Variants in GSE1 observed in about 807,000 individuals in gnomAD.
The protein encoded by GSE1 is genetic suppressor element 1.
A neutral mutation model predicts 112.6 loss-of-function variants in GSE1; 32 were observed. The ratio of observed to expected loss-of-function variants is 0.28; its 90% CI spans 0.21 to 0.38. GSE1 has a LOEUF of 0.38. Ranked by LOEUF, GSE1 falls within the 10% of genes least tolerant of loss-of-function variation. The pLI, the probability that GSE1 is intolerant of heterozygous loss-of-function variation, is 1.00. For synonymous variants in GSE1, 1,115 were observed against 735.6 expected (o/e 1.52, Z -8.35); for missense variants, 2,348 against 1,699.2 (o/e 1.38, Z -6.71).
In GSE1 at chr16:85,325,686, G is replaced by A. The variant is rs555758566; in HGVS notation, c.2284-31777G>A. Among the ~76,000 whole-genome samples, 3 of 151,458 alleles carry A rather than the reference G, an allele frequency of 2.0e-5. No individual in the cohort carries two copies. The East Asian group carries it at 5.9e-4, about 30-fold the overall frequency. ...ATGCTAGTCTCAAACTCCTGACCTC[G>A]GGTGATCCACCTGCCTTAGCCTCCC... On this transcript the variant is annotated intron_variant, in intron 1 of 2. Transcript: ENST00000637419.
chr16:85,208,922 G>A (rs997691234), intron 1 of GSE1, among the ~76,000 whole-genome samples: 48 of 149,646 alleles, frequency 3.2e-4, no homozygotes, highest in African/African-American at 1.0e-3. Flanking sequence ...GCCACGTGTC[G>A]GGGTTCGCCT....
intron 1 of GSE1, among the ~76,000 whole-genome samples, chr16:85,246,481 AC>A (rs1905821328): frequency 1.9e-5 from 2 of 105,490 alleles, no homozygotes; most frequent in Non-Finnish European, 3.9e-5. Flanking sequence ...GCACACACAC[AC>A]ACACACACAC....
At chr16:85,313,164 C>T (rs1321615846) in intron 1 of GSE1, among the ~76,000 whole-genome samples, 4 of 152,192 alleles carry the variant, frequency 2.6e-5, no homozygotes, top group Admixed American at 2.6e-4. Context: ...GGGCCCCTGG[C>T]CTGCTGGGGT....
intron 2 of GSE1, among the ~76,000 whole-genome samples, chr16:85,518,131 G>C (rs2052015614): frequency 6.6e-6 from 1 of 152,228 alleles, no homozygotes; most frequent in South Asian, 2.1e-4. Flanking sequence ...GCCCTGCAGA[G>C]GCTGCTGCCA....
At chr16:85,392,797 C>T (rs993595260) in intron 2 of GSE1, among the ~76,000 whole-genome samples, 1 of 152,286 alleles carries the variant, frequency 6.6e-6, no homozygotes, top group Non-Finnish European at 1.5e-5. Context: ...CCTTAGGGAG[C>T]GTTGCCTCAG....
intron 2 of GSE1, among the ~76,000 whole-genome samples, chr16:85,478,162 T>C (rs1222027851): frequency 3.3e-5 from 5 of 152,192 alleles, no homozygotes; most frequent in Non-Finnish European, 7.3e-5. Context: ...CCAGGAAGCA[T>C]TGCATCTTCA....
Position 85,622,386 on chromosome 16 carries a change from C to A in GSE1, c.7+8988C>A, listed in dbSNP as rs560310874. ...GGATGGTTCTGGGCCCTTTCTTTTT[C>A]CACCCTGTATTTCCTCTGTCCAGGC... On this transcript the variant is annotated intron_variant, in intron 1 of 15. Transcript: ENST00000253458. Among the ~76,000 whole-genome samples, 8 of 140,282 alleles carry A rather than the reference C, an allele frequency of 5.7e-5. No individual in the cohort carries two copies. In the East Asian group the frequency reaches 1.6e-3, roughly 27 times the overall value. 92.0% of individuals were successfully genotyped at this position (140,282 alleles called of 152,430 possible).
intron 1 of GSE1, among the ~76,000 whole-genome samples, chr16:85,273,220 G>A (rs1365047328): frequency 6.6e-6 from 1 of 152,244 alleles, no homozygotes; most frequent in Non-Finnish European, 1.5e-5. Context: ...GGTTGGGGGT[G>A]GGGGAAGATT....
At chr16:85,605,674 C>G in intron 1 of GSE1, among the ~76,000 whole-genome samples, 1 of 151,890 alleles carries the variant, frequency 6.6e-6, no homozygotes, top group Non-Finnish European at 1.5e-5. Flanking sequence ...GGGGGGCCAC[C>G]GGCTGTGCTC....
At chr16:85,331,489 ATG>A (rs1240838738) in intron 1 of GSE1, among the ~76,000 whole-genome samples, 2 of 114,490 alleles carry the variant, frequency 1.7e-5, no homozygotes, top group African/African-American at 2.8e-5. Flanking sequence ...ATGTGTATAT[ATG>A]TGTATATGTG....
chr16:85,626,119 T>TG (rs923704195), intron 1 of GSE1, among the ~76,000 whole-genome samples: 15 of 151,730 alleles, frequency 9.9e-5, no homozygotes, highest in Non-Finnish European at 1.6e-4. Flanking sequence ...CAGGGCAGCC[T>TG]GGGGGGGTGT....
At chr16:85,455,998 G>A (rs1164035122) in intron 2 of GSE1, among the ~76,000 whole-genome samples, 1 of 152,234 alleles carries the variant, frequency 6.6e-6, no homozygotes, top group African/African-American at 2.4e-5. Context: ...CTAAGGCTCA[G>A]AGAGGTTAAT....
intron 1 of GSE1, among the ~76,000 whole-genome samples, chr16:85,237,520 G>T (rs914435405): frequency 2.0e-5 from 3 of 151,856 alleles, no homozygotes; most frequent in Non-Finnish European, 2.9e-5. Context: ...TGGCTTCTCC[G>T]TAAGGTACTG....
intron 1 of GSE1, among the ~76,000 whole-genome samples, chr16:85,297,276 G>A (rs982928277): frequency 6.6e-6 from 1 of 151,960 alleles, no homozygotes; most frequent in African/African-American, 2.4e-5. Flanking sequence ...GGGGCTCACA[G>A]GGCCAGAGGC....
rs530598995 is a variant in GSE1, at chr16:85,660,978, A to G, written c.1641-168A>G. Among the ~76,000 whole-genome samples the G allele has an allele frequency of 7.2e-5, 11 of 152,242 alleles. 1 individual carries two copies. Among genetic ancestry groups the G allele is most frequent in the Middle Eastern group, 6.8e-3 (2 of 294 alleles). Reference sequence around the variant, plus strand: ...AAAGAGAAAATGAAAGACAGAAACAATGATCCTTGGGGTGGAGTGTGTGTC... The same window carrying G: ...AAAGAGAAAATGAAAGACAGAAACAGTGATCCTTGGGGTGGAGTGTGTGTC... On this transcript the variant is annotated intron_variant, in intron 8 of 15. Transcript: ENST00000253458.
At chr16:85,249,260 G>T (rs991273887) in intron 1 of GSE1, among the ~76,000 whole-genome samples, 1 of 152,240 alleles carries the variant, frequency 6.6e-6, no homozygotes, top group Non-Finnish European at 1.5e-5. Context: ...GCCTTAGTGG[G>T]CCCAGAGCCC....
At chr16:85,638,694 T>G (rs1157359828) in intron 2 of GSE1, among the ~76,000 whole-genome samples, 1 of 120,740 alleles carries the variant, frequency 8.3e-6, no homozygotes, top group Non-Finnish European at 1.7e-5. Context: ...GCTGCCTCCT[T>G]TCACCTTCCC....
At chr16:85,518,388 C>CTG (rs1361920978) in intron 2 of GSE1, among the ~76,000 whole-genome samples, 6 of 152,156 alleles carry the variant, frequency 3.9e-5, no homozygotes, top group Non-Finnish European at 7.3e-5. Flanking sequence ...GTCCTGTGTG[C>CTG]TGTGTCTGTG....
chr16:85,284,723 C>T (rs543123269), intron 1 of GSE1, among the ~76,000 whole-genome samples: 2 of 152,218 alleles, frequency 1.3e-5, no homozygotes, highest in African/African-American at 2.4e-5. Flanking sequence ...AAAATGGTGG[C>T]TCATGGAATA....
Sources: gnomAD v4.1 joint callset for allele counts (sites outside exome capture counted in the v4.1 genomes callset) on GRCh38, gnomAD v4.1.1 for gene constraint, MANE v1.5 for transcripts, NCBI Gene and HGNC (gene_info 2026-07-23, HGNC 2026-07-21) for gene names.